The following LRRC4C variants were observed in gnomAD, a reference collection of about 807,000 sequenced individuals.
The protein encoded by LRRC4C is leucine-rich repeat-containing protein 4C.
LRRC4C carries 5 observed loss-of-function variants against 33.6 expected under a neutral mutation model. The ratio of observed to expected loss-of-function variants is 0.15; its 90% CI spans 0.08 to 0.31. The LOEUF (loss-of-function observed/expected upper bound fraction) is 0.31. LRRC4C is among the 10% of genes least tolerant of loss of function. The probability of loss-of-function intolerance (pLI) is 1.00; values close to 1 mark genes in which losing one functional copy is unlikely to be tolerated. For synonymous variants in LRRC4C, 329 were observed against 302.0 expected (o/e 1.09, Z -0.93); for missense variants, 560 against 796.7 (o/e 0.70, Z 3.58).
intron 1 of LRRC4C, among the ~76,000 whole-genome samples, chr11:41,034,617 A>ATT (rs1856946868): frequency 7.9e-6 from 1 of 127,210 alleles, no homozygotes; most frequent in Admixed American, 8.8e-5. Flanking sequence ...GTATATATAT[A>ATT]TATATATATA....
intron 5 of LRRC4C, among the ~76,000 whole-genome samples, chr11:40,227,178 G>A (rs779648986): frequency 2.4e-4 from 36 of 152,190 alleles, no homozygotes; most frequent in Admixed American, 2.0e-4. Flanking sequence ...GAATGGAGAG[G>A]TGTGTAATTG....
chr11:40,122,087 A>G (rs1049428571), intron 6 of LRRC4C, among the ~76,000 whole-genome samples: 1 of 152,104 alleles, frequency 6.6e-6, no homozygotes, highest in Non-Finnish European at 1.5e-5. Context: ...CCAGTCTTTC[A>G]TGGAAAATTC....
chr11:41,180,512 G>A (rs895846878), intron 1 of LRRC4C, among the ~76,000 whole-genome samples: 1 of 152,208 alleles, frequency 6.6e-6, no homozygotes, highest in Non-Finnish European at 1.5e-5. Context: ...TAAAACAAAT[G>A]AGAGTGAGAG....
intron 3 of LRRC4C, among the ~76,000 whole-genome samples, chr11:40,472,116 A>T (rs1952972306): frequency 7.5e-6 from 1 of 132,582 alleles, no homozygotes; most frequent in Admixed American, 8.3e-5. Flanking sequence ...TCTCTACTAA[A>T]AAAAATACAA....
chr11:40,305,983 G>GT (rs887267735), intron 4 of LRRC4C, among the ~76,000 whole-genome samples: 1 of 152,296 alleles, frequency 6.6e-6, no homozygotes, highest in South Asian at 2.1e-4. Flanking sequence ...CAACGAGGTT[G>GT]TTTTTTGGCT....
At chr11:40,733,131 C>T (rs1362851832) in intron 2 of LRRC4C, among the ~76,000 whole-genome samples, 2 of 114,910 alleles carry the variant, frequency 1.7e-5, no homozygotes, top group Admixed American at 1.3e-4. Context: ...GCTGGAGTAG[C>T]GTGGCGAGAT....
chr11:41,071,935 A>G (rs1938715818), intron 1 of LRRC4C, among the ~76,000 whole-genome samples: 1 of 152,200 alleles, frequency 6.6e-6, no homozygotes, highest in Non-Finnish European at 1.5e-5. Context: ...AAGTCACTGC[A>G]GATGTGATAG....
intron 1 of LRRC4C, among the ~76,000 whole-genome samples, chr11:40,982,470 T>C (rs763955374): frequency 6.6e-5 from 10 of 152,152 alleles, no homozygotes; most frequent in Non-Finnish European, 1.2e-4. Flanking sequence ...AGTATGATAA[T>C]GAACTAGACC....
intron 1 of LRRC4C, among the ~76,000 whole-genome samples, chr11:41,223,877 C>T (rs932811485): frequency 2.0e-5 from 3 of 152,174 alleles, no homozygotes; most frequent in African/African-American, 7.2e-5. Flanking sequence ...TGATGGATAT[C>T]ATCTCTTAAT....
chr11:40,665,321 AAAAAATATATAT>A (rs1451318200), intron 2 of LRRC4C, among the ~76,000 whole-genome samples: 1 of 13,032 alleles, frequency 7.7e-5, no homozygotes, highest in South Asian at 2.1e-3. Context: ...AAAAAAAAAA[AAAAAATATATAT>A]ATATATATAT....
chr11:40,561,408 C>CTTTTTTTTTTTTTTTTTTTTTTTTTTTT (rs549919738), intron 3 of LRRC4C, among the ~76,000 whole-genome samples: 1 of 100,936 alleles, frequency 9.9e-6, no homozygotes, highest in Non-Finnish European at 1.9e-5. Flanking sequence ...CTGAGGATTC[C>CTTTTTTTTTTTTTTTTTTTTTTTTTTTT]TTTTTTTTTT....
At chr11:41,404,827 T>G (rs188758508) in intron 1 of LRRC4C, among the ~76,000 whole-genome samples, 2 of 152,182 alleles carry the variant, frequency 1.3e-5, no homozygotes, top group East Asian at 3.9e-4. Context: ...TAAGTGGCCA[T>G]GATTTTAAAA....
chr11:40,742,034 G>GA (rs943885158), intron 2 of LRRC4C, among the ~76,000 whole-genome samples: 5 of 151,986 alleles, frequency 3.3e-5, no homozygotes, highest in South Asian at 2.1e-4. Context: ...CAGAAAAGTA[G>GA]AAAAAAATCT....
At chr11:40,535,841 A>T (rs1178127850) in intron 3 of LRRC4C, among the ~76,000 whole-genome samples, 1 of 152,340 alleles carries the variant, frequency 6.6e-6, no homozygotes, top group African/African-American at 2.4e-5. Flanking sequence ...TACATTTTGA[A>T]GCAGTATCAC....
At chr11:40,583,612 C>G (rs1348871057) in intron 3 of LRRC4C, among the ~76,000 whole-genome samples, 1 of 152,078 alleles carries the variant, frequency 6.6e-6, no homozygotes, top group Non-Finnish European at 1.5e-5. Flanking sequence ...CATCCTTTTT[C>G]CCATCTCAGG....
At position 41,448,122 on chromosome 11, in the gene LRRC4C, G is replaced by GGTTTTTTTTTTTTTTTT. The variant is rs1554934483; in HGVS notation, c.-496+11308_-496+11309insAAAAAAAAAAAAAAAAC. On this transcript the variant is annotated intron_variant, in intron 1 of 6. Transcript: ENST00000528697. ...ACAAACGAGGCTGCTGCACACGTCT[G>GGTTTTTTTTTTTTTTTT]TTTTTTTTTTTTTTTTTTTTGGAGC... is the stretch of plus-strand genomic sequence containing the variant. 1.1e-3 allele frequency among the ~76,000 whole-genome samples: 51 copies of GGTTTTTTTTTTTTTTTT among 46,922 alleles called. 2 individuals carry two copies. The highest frequency in any genetic ancestry group is 1.8e-3 in the Non-Finnish European group (42 of 22,898). 30.8% of individuals were successfully genotyped at this position (46,922 alleles called of 152,430 possible).
At chr11:40,456,574 AC>A (rs1428005957) in intron 3 of LRRC4C, among the ~76,000 whole-genome samples, 2 of 152,084 alleles carry the variant, frequency 1.3e-5, no homozygotes, top group Non-Finnish European at 2.9e-5. Context: ...AAGTTTTACA[AC>A]AAAAAATGGA....
At chr11:40,177,300 A>G (rs1445985687) in intron 5 of LRRC4C, among the ~76,000 whole-genome samples, 1 of 152,152 alleles carries the variant, frequency 6.6e-6, no homozygotes, top group Non-Finnish European at 1.5e-5. Flanking sequence ...TACTAGAAAT[A>G]TAATTTAAAT....
At chr11:40,645,566 G>T (rs1161090494) in intron 3 of LRRC4C, among the ~76,000 whole-genome samples, 1 of 152,100 alleles carries the variant, frequency 6.6e-6, no homozygotes, top group African/African-American at 2.4e-5. Flanking sequence ...CAAAGCAGTT[G>T]GTTCTATTTT....
Sources: gnomAD v4.1 joint callset for allele counts (sites outside exome capture counted in the v4.1 genomes callset) on GRCh38, gnomAD v4.1.1 for gene constraint, MANE v1.5 for transcripts, NCBI Gene and HGNC (gene_info 2026-07-23, HGNC 2026-07-21) for gene names.